Variants in UPP2 observed in about 807,000 individuals in gnomAD.
The protein encoded by UPP2 is uridine phosphorylase 2, also known as UPase 2.
A neutral mutation model predicts 26.7 loss-of-function variants in UPP2; 23 were observed. That is an observed-to-expected ratio of 0.86 (90% CI 0.62 to 1.22). The LOEUF (loss-of-function observed/expected upper bound fraction) is 1.22, where lower values mean the gene tolerates loss of function less well. Among genes scored for constraint, UPP2 ranks in the 50% most tolerant of loss-of-function variants. The pLI, the probability that UPP2 is intolerant of heterozygous loss-of-function variation, is 0.00. For synonymous variants in UPP2, 127 were observed against 141.3 expected, an observed-to-expected ratio of 0.90 and a Z score of 0.72; for missense variants, 387 against 396.7, an observed-to-expected ratio of 0.98 and a Z score of 0.21.
At chr2:158,079,410 G>A (rs1220297117) in intron 3 of UPP2, among the ~76,000 whole-genome samples, 1 of 152,110 alleles carries the variant, frequency 6.6e-6, no homozygotes, top group East Asian at 1.9e-4. Flanking sequence ...TGAAAGAGTT[G>A]TGGAATTTAG....
chr2:158,117,736 C>T, intron 3 of UPP2, 88 bp from the exon 4 acceptor site: 1 of 984,952 alleles, frequency 1.0e-6, no homozygotes, highest in East Asian at 2.4e-5. Context: ...GTATCTGAGG[C>T]CTGTTAACTT....
At position 158,121,528 on chromosome 2, in the gene UPP2, C is replaced by A. The variant is rs375495894; in HGVS notation, c.574C>A (p.Leu192Met). 15 of 1,613,516 alleles carry A rather than the reference C, an allele frequency of 9.3e-6. No homozygotes were observed. The highest frequency in any genetic ancestry group is 7.6e-6 in the Non-Finnish European group (9 of 1,179,504). ...CCGAAGTACTGAACTGGACAAAGAA[C>A]TGTCTGAAGAACTGTTCAACTGTAG... is the stretch of plus-strand genomic sequence containing the variant. ...VTRSTELDKE[L>M]SEELFNCSKE... The change falls in exon 5 of 7, where the codon CTG (leucine) becomes ATG (methionine). Residue 192 changes from leucine to methionine, a missense_variant. Leu to Met is a conservative substitution (Grantham distance 15). Coordinates refer to ENST00000005756, the MANE Select transcript of UPP2 (RefSeq NM_173355.4).
exon 3 of UPP2, chr2:158,015,803 G>A: frequency 2.2e-6 from 1 of 453,638 alleles, no homozygotes; most frequent in Non-Finnish European, 4.4e-6. Context: ...ATGGTAAGAT[G>A]TGCCTGCTTC....
At chr2:158,099,334 T>C (rs1683035172), upstream of UPP2, among the ~76,000 whole-genome samples, 2 of 152,182 alleles carry the variant, frequency 1.3e-5, no homozygotes, top group African/African-American at 2.4e-5. Context: ...TCTCAAGCCA[T>C]TGCTGGTGCT....
intron 3 of UPP2, among the ~76,000 whole-genome samples, chr2:158,028,353 G>A (rs1377201162): frequency 1.3e-5 from 2 of 152,076 alleles, no homozygotes; most frequent in Non-Finnish European, 2.9e-5. Flanking sequence ...TCTAGGGCAG[G>A]GTCAAAATGC....
chr2:158,103,256 G>A (rs7568468), intron 1 of UPP2, among the ~76,000 whole-genome samples: 20 of 152,186 alleles, frequency 1.3e-4, no homozygotes, highest in African/African-American at 4.3e-4. Context: ...ATTTTCTGAC[G>A]GAGAAATCAT....
chr2:158,046,612 A>G (rs957187040), intron 3 of UPP2, among the ~76,000 whole-genome samples: 1 of 152,226 alleles, frequency 6.6e-6, no homozygotes, highest in African/African-American at 2.4e-5. Flanking sequence ...GGTTAACGTT[A>G]TGACCAAAGG....
rs531622763 is a variant in UPP2 at position 158,025,157 on chromosome 2, G to A, written c.147+9271G>A. ...GTGGAGGCTGCAGTGAGCTGAGATC[G>A]TGCCTTTGCACTCCAGCCTGGGTGA... On this transcript the variant is annotated intron_variant, in intron 3 of 9. Coordinates refer to the UPP2 transcript ENST00000605860. 7.3e-5 allele frequency among the ~76,000 whole-genome samples: 11 copies of A among 149,994 alleles called. No homozygotes were observed. The South Asian group carries it at 1.3e-3, about 17-fold the overall frequency.
rs1013366281 is a variant in UPP2 at position 158,135,566 on chromosome 2, T to C, written c.*676T>C. 1.3e-5 allele frequency: 2 copies of C among 152,204 alleles called. No homozygotes were observed. Among genetic ancestry groups the C allele is most frequent in the Non-Finnish European group, 2.9e-5 (2 of 68,022 alleles). 9.4% of individuals were successfully genotyped at this position (152,204 alleles called of 1,614,324 possible). ...CTTCCTTTTTCTTCAGAATCACAAGTGACTAAATTGCCTTCTAGCCATTTT... is the reference window on the plus strand; with the variant it reads ...CTTCCTTTTTCTTCAGAATCACAAGCGACTAAATTGCCTTCTAGCCATTTT... On this transcript the variant is annotated 3_prime_UTR_variant, in exon 7 of 7. Transcript: ENST00000005756.
chr2:158,037,245 G>C (rs1030895942), intron 3 of UPP2, among the ~76,000 whole-genome samples: 4 of 151,984 alleles, frequency 2.6e-5, no homozygotes, highest in Admixed American at 6.5e-5. Flanking sequence ...TGTGGTGGCG[G>C]GCATCTGTAA....
chr2:158,008,884 C>T (rs963109515), intron 2 of UPP2, among the ~76,000 whole-genome samples: 1 of 152,130 alleles, frequency 6.6e-6, no homozygotes, highest in Non-Finnish European at 1.5e-5. Context: ...ACTGAAAGAA[C>T]ATTGAACCCC....
intron 6 of UPP2, among the ~76,000 whole-genome samples, chr2:158,130,525 G>T (rs1019254926): frequency 6.6e-6 from 1 of 151,798 alleles, no homozygotes; most frequent in Non-Finnish European, 1.5e-5. Context: ...TTTGCGGTTT[G>T]TCACAAAATC....
upstream of UPP2, among the ~76,000 whole-genome samples, chr2:158,097,090 A>G (rs1682997291): frequency 6.6e-6 from 1 of 152,100 alleles, no homozygotes; most frequent in African/African-American, 2.4e-5. Flanking sequence ...GATAAAAAAT[A>G]TGAACCAGAA....
chr2:158,053,037 A>T (rs1276074774), intron 3 of UPP2, among the ~76,000 whole-genome samples: 2 of 152,130 alleles, frequency 1.3e-5, no homozygotes, highest in African/African-American at 2.4e-5. Flanking sequence ...CAGGGAAAGG[A>T]TGGGAAAAGA....
intron 6 of UPP2, among the ~76,000 whole-genome samples, chr2:158,127,364 A>T (rs548807910): frequency 6.7e-4 from 102 of 152,304 alleles, no homozygotes; most frequent in Middle Eastern, 6.8e-3. Flanking sequence ...CATTAGTGCC[A>T]TAAGAACAGG....
chr2:158,047,275 T>C (rs1217560716), intron 3 of UPP2, among the ~76,000 whole-genome samples: 7 of 152,200 alleles, frequency 4.6e-5, no homozygotes, highest in Non-Finnish European at 1.0e-4. Context: ...GGGAACCAAC[T>C]GGAAAGCCCA....
intron 2 of UPP2, among the ~76,000 whole-genome samples, chr2:158,112,896 T>A (rs770102731): frequency 6.6e-6 from 1 of 152,228 alleles, no homozygotes; most frequent in Non-Finnish European, 1.5e-5. Flanking sequence ...TGCCTCTGAC[T>A]CCTTCCCAGT....
chr2:158,019,639 AACACACAC>A (rs57149695), intron 3 of UPP2, among the ~76,000 whole-genome samples: 20,090 of 141,072 alleles, frequency 0.14, 2,157 homozygotes, highest in African/African-American at 0.29. Context: ...AATCCTTTAA[AACACACAC>A]ACACACACAC....
chr2:158,133,121 T>C (rs1683858868), intron 6 of UPP2, among the ~76,000 whole-genome samples: 2 of 152,222 alleles, frequency 1.3e-5, no homozygotes, highest in Non-Finnish European at 2.9e-5. Context: ...ATCAACCAAG[T>C]GTCCATCAAC....
Sources: gnomAD v4.1 joint callset for allele counts (sites outside exome capture counted in the v4.1 genomes callset) on GRCh38, gnomAD v4.1.1 for gene constraint, MANE v1.5 for transcripts, NCBI Gene and HGNC (gene_info 2026-07-23, HGNC 2026-07-21) for gene names.